GALNTL6: variants seen among roughly 807,000 people sequenced by gnomAD.
GALNTL6 encodes the protein polypeptide N-acetylgalactosaminyltransferase like 6, also known as polypeptide N-acetylgalactosaminyltransferase-like 6.
In GALNTL6, 46 loss-of-function variants were observed where a neutral mutation model predicts 73.7. That is an observed-to-expected ratio of 0.62 (90% confidence interval 0.49 to 0.80). The LOEUF (loss-of-function observed/expected upper bound fraction) is 0.80, where lower values mean the gene tolerates loss of function less well. GALNTL6 is among the 30% of genes least tolerant of loss of function. The pLI is 0.00. For missense variants in GALNTL6, 604 were observed against 755.0 expected, an observed-to-expected ratio of 0.80 and a Z score of 2.34; for synonymous variants, 259 against 263.7, an observed-to-expected ratio of 0.98 and a Z score of 0.17.
At chr4:171,988,526 A>C (rs187034803) in intron 2 of GALNTL6, among the ~76,000 whole-genome samples, 8 of 152,156 alleles carry the variant, frequency 5.3e-5, no homozygotes, top group African/African-American at 1.4e-4. Context: ...GATCTAGAAC[A>C]GAATAGTGGA....
At chr4:172,871,046 C>G (rs1210524152) in intron 7 of GALNTL6, among the ~76,000 whole-genome samples, 1 of 152,158 alleles carries the variant, frequency 6.6e-6, no homozygotes, top group Non-Finnish European at 1.5e-5. Context: ...GAGGCTACAA[C>G]TACAAATGCC....
intron 5 of GALNTL6, among the ~76,000 whole-genome samples, chr4:172,797,341 G>A (rs1264426665): frequency 1.3e-5 from 2 of 152,186 alleles, no homozygotes; most frequent in East Asian, 1.9e-4. Flanking sequence ...CCGCCTCCCT[G>A]GTTCAAGCAA....
chr4:172,199,695 A>G (rs2087388049), intron 2 of GALNTL6, among the ~76,000 whole-genome samples: 1 of 152,110 alleles, frequency 6.6e-6, no homozygotes, highest in African/African-American at 2.4e-5. Context: ...GTTGACAATG[A>G]CTTTTTTTAA....
At chr4:171,918,776 G>GT (rs1227581030) in intron 2 of GALNTL6, among the ~76,000 whole-genome samples, 1 of 151,982 alleles carries the variant, frequency 6.6e-6, no homozygotes, top group East Asian at 1.9e-4. Flanking sequence ...AAGAAAATAT[G>GT]TTAGATACAA....
chr4:172,607,616 A>C (rs1481869990), intron 5 of GALNTL6, among the ~76,000 whole-genome samples: 1 of 152,166 alleles, frequency 6.6e-6, no homozygotes, highest in African/African-American at 2.4e-5. Flanking sequence ...GTGTATAGCC[A>C]ATAATGGGGT....
chr4:172,405,425 ATATATATATATATATATATTTTT>A (rs1194568388), intron 5 of GALNTL6, among the ~76,000 whole-genome samples: 6 of 114,262 alleles, frequency 5.3e-5, no homozygotes, highest in African/African-American at 2.5e-4. Context: ...ATATATATAT[ATATATATATATATATATATTTTT>A]TTTTTTTTTT....
At chr4:172,757,961 G>A (rs1737847114) in intron 5 of GALNTL6, among the ~76,000 whole-genome samples, 1 of 152,080 alleles carries the variant, frequency 6.6e-6, no homozygotes, top group African/African-American at 2.4e-5. Flanking sequence ...GTTCTATAGT[G>A]GTGTTTTGGG....
intron 2 of GALNTL6, among the ~76,000 whole-genome samples, chr4:172,044,552 C>A (rs949556967): frequency 6.6e-6 from 1 of 151,588 alleles, no homozygotes; most frequent in Non-Finnish European, 1.5e-5. Flanking sequence ...TAACATCAGG[C>A]CACCAAAGTT....
At chr4:172,711,605 A>T (rs1177542526) in intron 5 of GALNTL6, among the ~76,000 whole-genome samples, 1 of 152,140 alleles carries the variant, frequency 6.6e-6, no homozygotes, top group African/African-American at 2.4e-5. Flanking sequence ...CAAAATGATA[A>T]GAGTTCTCCA....
At chr4:172,472,571 A>T (rs1579103838) in intron 5 of GALNTL6, among the ~76,000 whole-genome samples, 1 of 152,104 alleles carries the variant, frequency 6.6e-6, no homozygotes, top group African/African-American at 2.4e-5. Flanking sequence ...TGCAGCTGTA[A>T]TTCGTTAGGA....
At chr4:172,160,512 T>G (rs1734423161) in intron 2 of GALNTL6, among the ~76,000 whole-genome samples, 1 of 152,042 alleles carries the variant, frequency 6.6e-6, no homozygotes, top group African/African-American at 2.4e-5. Flanking sequence ...ATGTGTATAA[T>G]AGTTATTGAA....
At chr4:172,936,535 G>T (rs1011107085) in intron 9 of GALNTL6, among the ~76,000 whole-genome samples, 1 of 152,202 alleles carries the variant, frequency 6.6e-6, no homozygotes, top group African/African-American at 2.4e-5. Flanking sequence ...CACCGTCTCA[G>T]CCCAAAATCT....
chr4:172,242,979 C>G (rs1737500370), intron 3 of GALNTL6, among the ~76,000 whole-genome samples: 2 of 152,140 alleles, frequency 1.3e-5, no homozygotes, highest in Non-Finnish European at 2.9e-5. Context: ...CATTTCACTC[C>G]TCTGCTCAAA....
chr4:172,918,715 C>T (rs1747652277), intron 8 of GALNTL6, among the ~76,000 whole-genome samples: 1 of 152,144 alleles, frequency 6.6e-6, no homozygotes, highest in Non-Finnish European at 1.5e-5. Context: ...CTATAATGTG[C>T]CTCCTCCAGA....
intron 2 of GALNTL6, among the ~76,000 whole-genome samples, chr4:172,152,381 C>G (rs894680077): frequency 3.3e-5 from 5 of 152,158 alleles, no homozygotes; most frequent in African/African-American, 1.2e-4. Flanking sequence ...AATAATAAAA[C>G]CATTGCCATG....
intron 2 of GALNTL6, among the ~76,000 whole-genome samples, chr4:172,084,804 T>A (rs986189623): frequency 2.0e-5 from 3 of 152,154 alleles, no homozygotes; most frequent in African/African-American, 7.2e-5. Flanking sequence ...GATTATCACA[T>A]AAAATTTACA....
At chr4:172,547,155 T>C (rs762485789) in intron 5 of GALNTL6, among the ~76,000 whole-genome samples, 6 of 152,026 alleles carry the variant, frequency 3.9e-5, no homozygotes, top group Non-Finnish European at 5.9e-5. Flanking sequence ...ATGTTTCCCA[T>C]TGGGAATCAG....
At chr4:172,736,050 G>C (rs1359369419) in intron 5 of GALNTL6, among the ~76,000 whole-genome samples, 3 of 152,188 alleles carry the variant, frequency 2.0e-5, no homozygotes, top group Non-Finnish European at 2.9e-5. Context: ...GGCAGAGTGA[G>C]ATCACAAGGC....
intron 2 of GALNTL6, among the ~76,000 whole-genome samples, chr4:171,825,144 G>T (rs764924083): frequency 6.6e-6 from 1 of 152,114 alleles, no homozygotes; most frequent in Non-Finnish European, 1.5e-5. Flanking sequence ...AATTCTCAAA[G>T]AATGTCTTTA....
Sources: allele counts gnomAD v4.1 joint callset (sites outside exome capture counted in the v4.1 genomes callset), GRCh38; gene constraint gnomAD v4.1.1; transcripts MANE v1.5; gene names NCBI Gene and HGNC (gene_info 2026-07-23, HGNC 2026-07-21).